PPP5C: variants seen among roughly 807,000 people sequenced by gnomAD.
PPP5C encodes the protein serine/threonine-protein phosphatase 5.
A neutral mutation model predicts 66.7 loss-of-function variants in PPP5C; 21 were observed. The observed-to-expected ratio is 0.31, with a 90% CI of 0.22 to 0.45. The LOEUF (loss-of-function observed/expected upper bound fraction) is 0.45, where lower values mean the gene tolerates loss of function less well. Ranked by LOEUF, PPP5C falls within the 20% of genes least tolerant of loss-of-function variation. PPP5C has a pLI of 1.00. For missense variants in PPP5C, 464 were observed against 675.9 expected (o/e 0.69, Z 3.48); for synonymous variants, 246 against 257.4 (o/e 0.96, Z 0.43).
intron 1 of PPP5C, among the ~76,000 whole-genome samples, chr19:46,348,661 A>T (rs1397181496): frequency 1.3e-5 from 2 of 152,108 alleles, no homozygotes; most frequent in Admixed American, 1.3e-4. Context: ...ACTGGAGAAG[A>T]ATTTGGGTGT....
Position 46,368,581 on chromosome 19 carries a change from C to T in PPP5C, c.364-7023C>T, listed in dbSNP as rs183608804. ...TTATTTTAATAGCTTTGGGGGTACC[C>T]GTGGTTTTAGTGGCATGGATGAACT... On this transcript the variant is annotated intron_variant, in intron 2 of 12. Transcript: ENST00000012443. Among the ~76,000 whole-genome samples, 380 of 152,194 alleles carry T rather than the reference C, an allele frequency of 2.5e-3. 1 individual carries two copies. The highest frequency in any genetic ancestry group is 0.01 in the Middle Eastern group (3 of 294).
In PPP5C at chr19:46,390,141, C is replaced by A; in HGVS notation, c.1437+9C>A. 1.2e-6 allele frequency: 2 copies of A among 1,613,420 alleles called. No individual in the cohort carries two copies. Among genetic ancestry groups the A allele is most frequent in the Non-Finnish European group, 1.7e-6 (2 of 1,179,314 alleles). On this transcript the variant is annotated intron_variant, in intron 12 of 12. Coordinates refer to ENST00000012443, the MANE Select transcript of PPP5C (RefSeq NM_006247.4). ...ACCAGTTCACAGCAGTGGTGAGTCA[C>A]CCCTCAGGGCCCCTGCCCCTTCCAT...
chr19:46,349,304 G>T (rs1417488846), intron 1 of PPP5C, among the ~76,000 whole-genome samples: 2 of 152,084 alleles, frequency 1.3e-5, no homozygotes, highest in East Asian at 3.9e-4. Flanking sequence ...AAAAAAAAGA[G>T]AGAAGATGCA....
chr19:46,388,855 G>A lies in PPP5C; in HGVS notation c.1355+124G>A, dbSNP rs77226370. The stretch of plus-strand genomic sequence containing the variant: ...GCAAGAGCAGATAAAAGAACATGAC[G>A]AACACCCCCGTATGTGTCACCCACC... On this transcript the variant is annotated intron_variant, in intron 11 of 12. Transcript: ENST00000012443. This position sits in a 1 kb window ranked among gnomAD's most constrained non-coding sequence, Gnocchi z 4.9. 4,832 of 1,195,850 alleles carry A rather than the reference G, an allele frequency of 4.0e-3. 163 individuals carry two copies. In the African/African-American group the frequency reaches 0.066, roughly 16 times the overall value. The allele number at this position is 1,195,850 out of a possible 1,614,324, so 74.1% of individuals were successfully genotyped here. A position where few individuals can be genotyped will look rare whatever the true frequency, so the allele number is the denominator to read the frequency against.
chr19:46,370,867 A>G (rs369036556), intron 2 of PPP5C, among the ~76,000 whole-genome samples: 44 of 151,818 alleles, frequency 2.9e-4, no homozygotes, highest in African/African-American at 1.0e-3. Context: ...CAGCCTCTCT[A>G]GTACCTGGGA....
In PPP5C at chr19:46,390,614, C is replaced by T. The variant is rs1973002991; in HGVS notation, c.*268C>T. 8 of 1,346,720 alleles carry T rather than the reference C, an allele frequency of 5.9e-6. No individual in the cohort carries two copies. Among genetic ancestry groups the T allele is most frequent in the East Asian group, 3.0e-5 (1 of 33,512 alleles). The allele number at this position is 1,346,720 out of a possible 1,614,324, so 83.4% of individuals were successfully genotyped here. A position where few individuals can be genotyped will look rare whatever the true frequency, so the allele number is the denominator to read the frequency against. ...CTGGGCATTCTGTGGGGAGGCCGTC[C>T]TCGGGGTGGGGTGGGGCCGAGTGGC... On this transcript the variant is annotated 3_prime_UTR_variant, in exon 13 of 13. Transcript: ENST00000012443.
intron 2 of PPP5C, among the ~76,000 whole-genome samples, chr19:46,363,454 G>A (rs1267821388): frequency 1.4e-5 from 2 of 147,412 alleles, no homozygotes; most frequent in Non-Finnish European, 1.5e-5. Context: ...TTTTTCAGAC[G>A]GAGTCTCACT....
Position 46,372,389 on chromosome 19 carries a change from T to A in PPP5C, c.364-3215T>A, listed in dbSNP as rs370337275. ...CTAGCTTTTTGTTGTTGTTGTTATT[T>A]TTTTCTAGAGATAGGGACTCACTAT... On this transcript the variant is annotated intron_variant, in intron 2 of 12. Coordinates refer to ENST00000012443, the MANE Select transcript of PPP5C (RefSeq NM_006247.4). 2.3e-3 allele frequency among the ~76,000 whole-genome samples: 355 copies of A among 152,120 alleles called. 1 individual carries two copies. The highest frequency in any genetic ancestry group is 0.01 in the Middle Eastern group (3 of 294).
chr19:46,360,247 G>A lies in PPP5C; in HGVS notation c.363+6258G>A, dbSNP rs984668640. ...ATTAATAACTGATAACATATACGAG[G>A]ACATAGTTTCTTTTTTAGAAATCTG... On this transcript the variant is annotated intron_variant, in intron 2 of 12. Transcript: ENST00000012443. 1.1e-4 allele frequency among the ~76,000 whole-genome samples: 17 copies of A among 152,160 alleles called. No homozygotes were observed. The East Asian group carries it at 3.3e-3, about 29-fold the overall frequency.
At chr19:46,361,633 C>T (rs1972393725) in intron 2 of PPP5C, among the ~76,000 whole-genome samples, 1 of 143,390 alleles carries the variant, frequency 7.0e-6, no homozygotes, top group Non-Finnish European at 1.5e-5. Flanking sequence ...GGCTTGGTGG[C>T]ATGTGCCTGT....
Position 46,384,861 on chromosome 19 carries a change from C to T in PPP5C, c.856C>T (p.Leu286Phe), listed in dbSNP as rs1210758763. 1 of 1,614,186 alleles carries T rather than the reference C, an allele frequency of 6.2e-7. No homozygotes were observed. Among genetic ancestry groups the T allele is most frequent in the Non-Finnish European group, 8.5e-7 (1 of 1,180,030 alleles). The part of the protein sequence containing the change: ...GSFSVEVILT[L>F]FGFKLLYPDH... ...CTTCTCTGTAGAAGTGATCCTCACC[C>T]TTTTCGGCTTCAAGCTCCTGTACCC... Residue 286 changes from leucine to phenylalanine, a missense_variant, in exon 7 of 13, where the codon CTT becomes TTT. Leu to Phe is a conservative substitution (Grantham distance 22). Around this residue, in one of 2 missense-constraint regions of PPP5C, gnomAD observed 387 missense variants for 626.0 expected, o/e 0.62. Coordinates refer to ENST00000012443, the MANE Select transcript of PPP5C (RefSeq NM_006247.4).
At chr19:46,367,326 C>G (rs1394201236) in intron 2 of PPP5C, among the ~76,000 whole-genome samples, 1 of 152,150 alleles carries the variant, frequency 6.6e-6, no homozygotes, top group Non-Finnish European at 1.5e-5. Context: ...AATCACTGTA[C>G]CAGCGTATTT....
chr19:46,367,430 T>A (rs1972509706), intron 2 of PPP5C, among the ~76,000 whole-genome samples: 1 of 152,130 alleles, frequency 6.6e-6, no homozygotes, highest in African/African-American at 2.4e-5. Context: ...ATGCTGACAG[T>A]TTGAAGCAGG....
chr19:46,387,651 C>T, intron 9 of PPP5C, 198 bp downstream of exon 9: 5 of 1,511,268 alleles, frequency 3.3e-6, no homozygotes, highest in African/African-American at 1.4e-5. Context: ...ACGGTCGTGA[C>T]CATGGTGCGG....
At chr19:46,348,468 C>T (rs1208090280) in intron 1 of PPP5C, among the ~76,000 whole-genome samples, 1 of 152,074 alleles carries the variant, frequency 6.6e-6, no homozygotes, top group Non-Finnish European at 1.5e-5. Flanking sequence ...CGCACACCAC[C>T]ATGCCCAGAT....
At chr19:46,389,885 TC>T (rs1972981406) in intron 11 of PPP5C, among the ~76,000 whole-genome samples, 165 bp from the exon 12 acceptor site, 1 of 151,764 alleles carries the variant, frequency 6.6e-6, no homozygotes. Context: ...TCCCATTCTT[TC>T]CCCTGGATTC....
In PPP5C at chr19:46,383,746, G is replaced by A; in HGVS notation, c.700-34G>A. On this transcript the variant is annotated intron_variant, in intron 5 of 12. Coordinates refer to ENST00000012443, the MANE Select transcript of PPP5C (RefSeq NM_006247.4). The surrounding 1 kb of genome is among the most constrained non-coding windows in gnomAD (Gnocchi z 5.0). ...GCCCCCTCCCCACGTCTCTCTCTCG[G>A]CCCGTCCCTCTCCGGTGGCCTCTTT... 5.2e-6 allele frequency: 8 copies of A among 1,550,428 alleles called. No homozygotes were observed. Among genetic ancestry groups the A allele is most frequent in the Non-Finnish European group, 7.1e-6 (8 of 1,122,886 alleles).
In PPP5C at chr19:46,383,207, G is replaced by A. The variant is rs1004308847; in HGVS notation, c.634-204G>A. 6.6e-6 allele frequency: 10 copies of A among 1,522,594 alleles called. No individual in the cohort carries two copies. The highest frequency in any genetic ancestry group is 1.4e-5 in the African/African-American group (1 of 72,578). 94.3% of individuals were successfully genotyped at this position (1,522,594 alleles called of 1,614,324 possible). Reference sequence around the variant, plus strand: ...TCGTACAAAACAATCGCAATGCTTCGGCACTGCACAGGCCACAGAAGCCTG... The same window carrying A: ...TCGTACAAAACAATCGCAATGCTTCAGCACTGCACAGGCCACAGAAGCCTG... On this transcript the variant is annotated intron_variant, in intron 4 of 12. Coordinates refer to ENST00000012443, the MANE Select transcript of PPP5C (RefSeq NM_006247.4). The surrounding 1 kb of genome is among the most constrained non-coding windows in gnomAD (Gnocchi z 5.0).
At position 46,383,688 on chromosome 19, in the gene PPP5C, C is replaced by T; in HGVS notation, c.700-92C>T. 1 of 1,126,920 alleles carries T rather than the reference C, an allele frequency of 8.9e-7. No homozygotes were observed. The highest frequency in any genetic ancestry group is 2.4e-5 in the East Asian group (1 of 42,448). The allele number at this position is 1,126,920 out of a possible 1,614,324, so 69.8% of individuals were successfully genotyped here. ...TGTCTCTTGCATGATTCTTCTTGGT[C>T]TACTGTGAACTCTTACCCTTCCCCT... On this transcript the variant is annotated intron_variant, in intron 5 of 12. Transcript: ENST00000012443. This position sits in a 1 kb window ranked among gnomAD's most constrained non-coding sequence, Gnocchi z 5.0.
Sources: gnomAD v4.1 joint callset for allele counts (sites outside exome capture counted in the v4.1 genomes callset) on GRCh38, gnomAD v4.1.1 for gene constraint, gnomAD v4.1.1 regional missense constraint, Gnocchi (gnomAD v3.1) non-coding constraint, MANE v1.5 for transcripts, NCBI Gene and HGNC (gene_info 2026-07-23, HGNC 2026-07-21) for gene names.